Variants in TENM2 observed in about 807,000 individuals in gnomAD.
TENM2 encodes teneurin transmembrane protein 2.
Under a neutral mutation model 245.2 loss-of-function variants are expected in TENM2, and 52 were observed. The ratio of observed to expected loss-of-function variants is 0.21; its 90% CI spans 0.17 to 0.27. The LOEUF (loss-of-function observed/expected upper bound fraction) is 0.27. Among genes scored for constraint, TENM2 ranks in the 10% least tolerant of loss-of-function variants. The pLI is 1.00. For missense variants in TENM2, 3,046 were observed against 3,666.8 expected, an observed-to-expected ratio of 0.83 and a Z score of 4.37; for synonymous variants, 1,363 against 1,438.9, an observed-to-expected ratio of 0.95 and a Z score of 1.19.
At chr5:167,727,347 C>G (rs1030725261) in intron 2 of TENM2, among the ~76,000 whole-genome samples, 1 of 151,998 alleles carries the variant, frequency 6.6e-6, no homozygotes, top group Non-Finnish European at 1.5e-5. Flanking sequence ...CCCCTGACCT[C>G]GTGATCCTCC....
At chr5:167,744,631 A>T (rs914380420) in intron 2 of TENM2, among the ~76,000 whole-genome samples, 9 of 152,114 alleles carry the variant, frequency 5.9e-5, no homozygotes, top group Non-Finnish European at 1.0e-4. Context: ...GACATTTTAT[A>T]TCGTTCCTTC....
chr5:167,736,889 A>G (rs1269075243), intron 2 of TENM2, among the ~76,000 whole-genome samples: 1 of 152,184 alleles, frequency 6.6e-6, no homozygotes, highest in Non-Finnish European at 1.5e-5. Flanking sequence ...GACAATTCTG[A>G]TGGGGAAGTC....
intron 2 of TENM2, among the ~76,000 whole-genome samples, chr5:167,581,225 A>G (rs1775071952): frequency 6.6e-6 from 1 of 152,226 alleles, no homozygotes; most frequent in African/African-American, 2.4e-5. Context: ...CTGTTTCTAA[A>G]TGTATAACAT....
At chr5:167,983,455 G>A (rs538843736) in intron 4 of TENM2, among the ~76,000 whole-genome samples, 5 of 152,088 alleles carry the variant, frequency 3.3e-5, no homozygotes, top group African/African-American at 4.8e-5. Flanking sequence ...TTTTTGGTAC[G>A]GCTGCAAATT....
chr5:167,084,326 G>GA, the TENM2 span, among the ~76,000 whole-genome samples: 39 of 6,746 alleles, frequency 5.8e-3, no homozygotes, highest in African/African-American at 0.011. Flanking sequence ...AGCCATTTTA[G>GA]TTATATATAT....
the TENM2 span, among the ~76,000 whole-genome samples, chr5:167,183,826 T>C: frequency 7.2e-5 from 11 of 152,166 alleles, no homozygotes; most frequent in Non-Finnish European, 1.3e-4. Flanking sequence ...ATTTCAGATA[T>C]GGATTTCAGA....
chr5:167,130,916 A>ATT, the TENM2 span, among the ~76,000 whole-genome samples: 214 of 140,220 alleles, frequency 1.5e-3, no homozygotes, highest in African/African-American at 6.1e-3. Flanking sequence ...TTTTTTTAAA[A>ATT]AAAAAAAAGA....
At chr5:168,238,221 GAAGAAAAGAAA>G (rs1181742012) in intron 25 of TENM2, among the ~76,000 whole-genome samples, 254 of 24,366 alleles carry the variant, frequency 0.01, 43 homozygotes, top group African/African-American at 0.033. Context: ...GAGGGAGAGA[GAAGAAAAGAAA>G]AGAAAAGAAA....
At chr5:167,293,286 C>G (rs1161108549) in intron 1 of TENM2, among the ~76,000 whole-genome samples, 1 of 152,136 alleles carries the variant, frequency 6.6e-6, no homozygotes, top group Non-Finnish European at 1.5e-5. Context: ...ACAGCAATCT[C>G]CGCCTCCCAG....
Position 167,823,013 on chromosome 5 carries a change from A to G in TENM2, c.503-52973A>G, listed in dbSNP as rs1767659685. On this transcript the variant is annotated intron_variant, in intron 2 of 28. Transcript: ENST00000518659. ...TGGGGTGAGATCTTTGGAAAAAAAT[A>G]GGTAAATGTATCCGTTTGATAAAGG... 2.0e-5 allele frequency among the ~76,000 whole-genome samples: 3 copies of G among 152,220 alleles called. 1 individual carries two copies. In the South Asian group the frequency reaches 6.2e-4, roughly 32 times the overall value.
intron 5 of TENM2, among the ~76,000 whole-genome samples, chr5:168,031,843 A>AAAAAGCTTTCC: frequency 6.6e-6 from 1 of 152,064 alleles, no homozygotes; most frequent in South Asian, 2.1e-4. Flanking sequence ...GAAAGAAAGA[A>AAAAAGCTTTCC]AAAAGCTTTC....
At chr5:167,875,087 G>C (rs1392795486) in intron 2 of TENM2, among the ~76,000 whole-genome samples, 1 of 152,226 alleles carries the variant, frequency 6.6e-6, no homozygotes, top group Non-Finnish European at 1.5e-5. Context: ...CATTGGTGAT[G>C]CAGGGGGTGA....
At chr5:167,840,008 A>G (rs1437733749) in intron 2 of TENM2, among the ~76,000 whole-genome samples, 1 of 152,132 alleles carries the variant, frequency 6.6e-6, no homozygotes, top group East Asian at 1.9e-4. Flanking sequence ...TTTAGTAGAG[A>G]CGGAGTTTCA....
chr5:167,974,811 C>G (rs141466595), intron 4 of TENM2, among the ~76,000 whole-genome samples: 1 of 152,196 alleles, frequency 6.6e-6, no homozygotes, highest in Non-Finnish European at 1.5e-5. Context: ...CCAACCTGAC[C>G]GACTGTGACC....
intron 13 of TENM2, among the ~76,000 whole-genome samples, chr5:168,163,885 T>C (rs1757972640): frequency 6.6e-6 from 1 of 152,202 alleles, no homozygotes; most frequent in African/African-American, 2.4e-5. Flanking sequence ...TAAATTTGCT[T>C]AGCCTAGATG....
intron 4 of TENM2, among the ~76,000 whole-genome samples, chr5:167,958,660 G>A (rs916037448): frequency 3.3e-5 from 5 of 152,152 alleles, no homozygotes. Flanking sequence ...AGGAGCTCTT[G>A]TAAGGCAGGC....
At chr5:167,114,629 A>T in the TENM2 span, among the ~76,000 whole-genome samples, 7 of 152,338 alleles carry the variant, frequency 4.6e-5, no homozygotes, top group East Asian at 1.9e-4. Context: ...TTTGCTTTTT[A>T]AAAAATTAAA....
the TENM2 span, among the ~76,000 whole-genome samples, chr5:167,228,436 G>A: frequency 1.3e-5 from 2 of 151,468 alleles, no homozygotes; most frequent in African/African-American, 4.9e-5. Flanking sequence ...GTTCTTTTTT[G>A]TGATGTATAT....
intron 13 of TENM2, among the ~76,000 whole-genome samples, chr5:168,167,960 A>T (rs1758456421): frequency 6.6e-6 from 1 of 152,144 alleles, no homozygotes; most frequent in Non-Finnish European, 1.5e-5. Context: ...ATTAATATTA[A>T]TGTTATTTTC....
Sources: allele counts gnomAD v4.1 joint callset (sites outside exome capture counted in the v4.1 genomes callset), GRCh38; gene constraint gnomAD v4.1.1; transcripts MANE v1.5; gene names NCBI Gene and HGNC (gene_info 2026-07-23, HGNC 2026-07-21).